The following VWF variants were observed in gnomAD, a reference collection of about 807,000 sequenced individuals.
The protein encoded by VWF is Factor VIII related antigen.
VWF carries 176 observed loss-of-function variants against 308.6 expected under a neutral mutation model. The observed-to-expected ratio is 0.57, with a 90% CI of 0.50 to 0.65. The LOEUF (loss-of-function observed/expected upper bound fraction) is 0.65, where lower values mean the gene tolerates loss of function less well. Ranked by LOEUF, VWF falls within the 30% of genes least tolerant of loss-of-function variation. VWF has a pLI of 0.00. For missense variants in VWF, 3,146 were observed against 3,648.2 expected (o/e 0.86, Z 3.55); for synonymous variants, 1,385 against 1,443.4 (o/e 0.96, Z 0.92).
chr12:6,036,477 G>C lies in VWF; in HGVS notation c.2457C>G (p.Asn819Lys). 1 of 1,614,214 alleles carries C rather than the reference G, an allele frequency of 6.2e-7. No individual in the cohort carries two copies. Among genetic ancestry groups the C allele is most frequent in the South Asian group, 1.1e-5 (1 of 91,082 alleles). ...LCPPGMVRHENRCVALERCPC... is the reference protein window; with the variant it reads ...LCPPGMVRHEKRCVALERCPC... ...GACACCTTTCCAGGGCCACACATCT[G>C]TTCTCATGCCGGACCTAAGAGAAAA... Residue 819 changes from asparagine to lysine, a missense_variant, in exon 19 of 52, where the codon AAC becomes AAG. By Grantham distance (94) the Asn-to-Lys change is moderately conservative. Coordinates refer to ENST00000261405, the MANE Select transcript of VWF (RefSeq NM_000552.5).
In VWF at chr12:5,977,143, T is replaced by A. The variant is rs768306933; in HGVS notation, c.7288-883A>T. Among the ~76,000 whole-genome samples the A allele has an allele frequency of 1.5e-4, 23 of 152,234 alleles. 1 individual carries two copies. The highest frequency in any genetic ancestry group is 7.2e-4 in the Admixed American group (11 of 15,284). On this transcript the variant is annotated intron_variant, in intron 42 of 51. Coordinates refer to ENST00000261405, the MANE Select transcript of VWF (RefSeq NM_000552.5). ...CTATTAAAAGGCCTGCAGGAAAATG[T>A]TACCATCCCTATGGAGAAGAATTGT...
At chr12:6,112,388 T>G (rs552698020) in intron 3 of VWF, among the ~76,000 whole-genome samples, 1 of 152,262 alleles carries the variant, frequency 6.6e-6, no homozygotes, top group East Asian at 1.9e-4. Flanking sequence ...GATAACTAAT[T>G]GGTCATAAGA....
chr12:5,985,082 G>A lies in VWF; in HGVS notation c.6939C>T (p.Arg2313=). ...CGGGGCAGCACTGGTCTGCATTCTG[G>A]CGGAGGCGGGCTACTTCACACAGGC... ...TCGLCEVARL[R]QNADQCCPEY... The change falls in exon 40 of 52, where the codon CGC becomes CGT. Residue 2313 remains arginine (R), a synonymous_variant. Coordinates refer to ENST00000261405, the MANE Select transcript of VWF (RefSeq NM_000552.5). 1 of 1,614,204 alleles carries A rather than the reference G, an allele frequency of 6.2e-7. No individual in the cohort carries two copies. Among genetic ancestry groups the A allele is most frequent in the Non-Finnish European group, 8.5e-7 (1 of 1,180,044 alleles).
chr12:5,971,479 C>T lies in VWF; in HGVS notation c.7548+120G>A, dbSNP rs1210944378. The T allele has an allele frequency of 1.5e-5, 12 of 814,394 alleles. No homozygotes were observed. The East Asian group carries it at 3.0e-4, about 21-fold the overall frequency. 50.4% of individuals were successfully genotyped at this position (814,394 alleles called of 1,614,324 possible). On this transcript the variant is annotated intron_variant, in intron 44 of 51. Transcript: ENST00000261405. ...GCTGGCATCTGGATAACACCAACAG[C>T]TGGGTGAAATGCCCAGTGGGGAAAG...
Position 6,110,430 on chromosome 12 carries a change from C to T in VWF, c.476G>A (p.Cys159Tyr). 1.2e-6 allele frequency: 2 copies of T among 1,614,162 alleles called. No individual in the cohort carries two copies. Among genetic ancestry groups the T allele is most frequent in the Non-Finnish European group, 1.7e-6 (2 of 1,180,034 alleles). Residue 159 changes from cysteine (C) to tyrosine (Y), a missense_variant, in exon 5 of 52, where the codon TGC becomes TAC. Coordinates refer to ENST00000261405, the MANE Select transcript of VWF (RefSeq NM_000552.5). ...GATGTTAAAGTTGCCACACAGCCCGCAGGTCTTGTTGAAGTATCTGTCTGA... is the reference window on the plus strand; with the variant it reads ...GATGTTAAAGTTGCCACACAGCCCGTAGGTCTTGTTGAAGTATCTGTCTGA... ...LLSDRYFNKT[C>Y]GLCGNFNIFA...
chr12:5,970,060 C>A (rs531269663), intron 44 of VWF, among the ~76,000 whole-genome samples: 1 of 152,176 alleles, frequency 6.6e-6, no homozygotes, highest in African/African-American at 2.4e-5. Flanking sequence ...CTGGTGCCTG[C>A]TTATTTCTTC....
intron 34 of VWF, among the ~76,000 whole-genome samples, chr12:6,001,419 C>A (rs1366739578): frequency 1.3e-5 from 2 of 152,008 alleles, no homozygotes; most frequent in Non-Finnish European, 2.9e-5. Flanking sequence ...AGTAAAGGGA[C>A]AGACAAAGGA....
chr12:6,016,726 T>G, intron 29 of VWF, 28 bp downstream of exon 29: 1 of 1,614,248 alleles, frequency 6.2e-7, no homozygotes, highest in South Asian at 1.1e-5. Flanking sequence ...CTTCGTCACC[T>G]GCTGCTTCAG....
At chr12:6,124,271 T>C (rs1255218055) in intron 1 of VWF, 150 bp downstream of exon 1, 3 of 152,334 alleles carry the variant, frequency 2.0e-5, no homozygotes, top group Non-Finnish European at 4.4e-5. Flanking sequence ...GGAGGGAGTA[T>C]TAGGATCATC....
chr12:5,949,136 C>T lies in VWF; in HGVS notation c.8321G>A (p.Cys2774Tyr). ...INDVQDQCSC[C>Y]SPTRTEPMQV... ...CATGGGCTCCGTCCGTGTCGGAGAGCAGCAGGAGCACTGGTCCTGCACATC... is the reference window on the plus strand; with the variant it reads ...CATGGGCTCCGTCCGTGTCGGAGAGTAGCAGGAGCACTGGTCCTGCACATC... Residue 2774 changes from cysteine (C) to tyrosine (Y), a missense_variant, in exon 52 of 52, where the codon TGC becomes TAC. Cys to Tyr is a radical substitution (Grantham distance 194, BLOSUM62 -2). Coordinates refer to ENST00000261405, the MANE Select transcript of VWF (RefSeq NM_000552.5). 6.2e-7 allele frequency: 1 copy of T among 1,614,268 alleles called. No homozygotes were observed. Among genetic ancestry groups the T allele is most frequent in the South Asian group, 1.1e-5 (1 of 91,090 alleles).
intron 43 of VWF, among the ~76,000 whole-genome samples, chr12:5,973,551 A>T (rs775791095): frequency 2.6e-5 from 4 of 152,126 alleles, no homozygotes; most frequent in Admixed American, 6.5e-5. Flanking sequence ...CCCTTGCAAC[A>T]CTGGAGTTGC....
chr12:6,068,105 A>G (rs1944738464), intron 10 of VWF, among the ~76,000 whole-genome samples: 1 of 150,228 alleles, frequency 6.7e-6, no homozygotes, highest in Non-Finnish European at 1.5e-5. Flanking sequence ...ACTGCACCCC[A>G]GCCTGGGCGA....
At chr12:6,106,672 C>G (rs1945247687) in intron 5 of VWF, among the ~76,000 whole-genome samples, 1 of 151,946 alleles carries the variant, frequency 6.6e-6, no homozygotes, top group Non-Finnish European at 1.5e-5. Context: ...GTCAGGAGTT[C>G]AAGAGCAGCC....
At chr12:5,971,825 G>A (rs1285279114) in intron 43 of VWF, 116 bp from the exon 44 acceptor site, 5 of 895,948 alleles carry the variant, frequency 5.6e-6, no homozygotes, top group Non-Finnish European at 9.1e-6. Flanking sequence ...ACTGGTCTGG[G>A]CATTTTCATC....
Position 5,996,186 on chromosome 12 carries a change from G to T in VWF, c.5879C>A (p.Thr1960Asn), listed in dbSNP as rs1485631110. 6.2e-7 allele frequency: 1 copy of T among 1,613,902 alleles called. No individual in the cohort carries two copies. Among genetic ancestry groups the T allele is most frequent in the Non-Finnish European group, 8.5e-7 (1 of 1,179,968 alleles). The change falls in exon 35 of 52, where the codon ACC (threonine) becomes AAC (asparagine). Residue 1960 changes from threonine to asparagine, a missense_variant. By Grantham distance (65) the Thr-to-Asn change is moderately conservative. Coordinates refer to ENST00000261405, the MANE Select transcript of VWF (RefSeq NM_000552.5). ...CTGSSTRHIV[T>N]FDGQNFKLTG... is the part of the protein sequence containing the mutation. ...CAGCTTGAAATTCTGCCCATCAAAG[G>T]TCACGATGTGCCGAGTGGAGCTGCC...
chr12:5,965,001 A>G (rs1943384398), intron 47 of VWF, among the ~76,000 whole-genome samples: 1 of 152,202 alleles, frequency 6.6e-6, no homozygotes, highest in African/African-American at 2.4e-5. Context: ...GCAGGGCCAG[A>G]CCACAGCTGC....
chr12:6,060,479 C>A lies in VWF; in HGVS notation c.1534-2435G>T, dbSNP rs923217875. ...CTTCCATCCCCAAAAGCCCTGGTGT[C>A]AGTATTCTGAGGCTCCCCACCTCCT... On this transcript the variant is annotated intron_variant, in intron 13 of 51. Transcript: ENST00000261405. The surrounding 1 kb of genome is among the most constrained non-coding windows in gnomAD (Gnocchi z 5.1). Among the ~76,000 whole-genome samples the A allele has an allele frequency of 6.6e-6, 1 of 152,140 alleles. No individual in the cohort carries two copies. The highest frequency in any genetic ancestry group is 1.5e-5 in the Non-Finnish European group (1 of 68,030).
intron 42 of VWF, among the ~76,000 whole-genome samples, chr12:5,980,082 AAAAG>A (rs200814593): frequency 0.067 from 7,281 of 109,450 alleles, 380 homozygotes; most frequent in Non-Finnish European, 0.092. Flanking sequence ...AGAAAGAAAG[AAAAG>A]AAAGAAAGGA....
At position 6,123,201 on chromosome 12, in the gene VWF, A is replaced by G; in HGVS notation, c.1-5T>C. The G allele has an allele frequency of 6.2e-7, 1 of 1,614,244 alleles. No individual in the cohort carries two copies. ...GGCAAATCTGGCAGGAATCATCTGC[A>G]AAGAAGCAAGAGACGTGAGCTGGTC... is the stretch of plus-strand genomic sequence containing the variant. On this transcript the variant is annotated splice_polypyrimidine_tract_variant and splice_region_variant and intron_variant, in intron 1 of 51. Transcript: ENST00000261405.
Sources: gnomAD v4.1 joint callset for allele counts (sites outside exome capture counted in the v4.1 genomes callset) on GRCh38, gnomAD v4.1.1 for gene constraint, Gnocchi (gnomAD v3.1) non-coding constraint, MANE v1.5 for transcripts, NCBI Gene and HGNC (gene_info 2026-07-23, HGNC 2026-07-21) for gene names.